The following COL8A1 variants were observed in gnomAD, a reference collection of about 807,000 sequenced individuals.
COL8A1 encodes collagen type VIII alpha 1 chain, also known as collagen alpha-1(VIII) chain.
COL8A1 carries 21 observed loss-of-function variants against 42.7 expected under a neutral mutation model. That is an observed-to-expected ratio of 0.49 (90% CI 0.35 to 0.71). The LOEUF (loss-of-function observed/expected upper bound fraction) is 0.71, where lower values mean the gene tolerates loss of function less well. COL8A1 is among the 30% of genes least tolerant of loss of function. The pLI, the probability that COL8A1 is intolerant of heterozygous loss-of-function variation, is 0.01. For synonymous variants in COL8A1, 367 were observed against 369.1 expected (o/e 0.99, Z 0.06); for missense variants, 788 against 962.4 (o/e 0.82, Z 2.40).
In COL8A1 at chr3:99,794,326, T is replaced by C; in HGVS notation, c.425T>C (p.Ile142Thr). The C allele has an allele frequency of 6.2e-7, 1 of 1,613,604 alleles. No individual in the cohort carries two copies. The highest frequency in any genetic ancestry group is 1.1e-5 in the South Asian group (1 of 91,004). Residue 142 changes from isoleucine to threonine, a missense_variant, in exon 4 of 4, where the codon ATA (isoleucine) becomes ACA (threonine). Coordinates refer to ENST00000652472, the MANE Select transcript of COL8A1 (RefSeq NM_020351.4). The surrounding 1 kb of genome is among the most constrained non-coding windows in gnomAD (Gnocchi z 4.3). ...PGPPGLPGHGIPGIKGKPGPQ... is the reference protein window; with the variant it reads ...PGPPGLPGHGTPGIKGKPGPQ... The stretch of plus-strand genomic sequence containing the variant: ...CCCCCTGGTTTGCCAGGTCATGGGA[T>C]ACCTGGAATTAAAGGAAAACCAGGG...
intron 2 of COL8A1, among the ~76,000 whole-genome samples, chr3:99,788,386 A>C (rs546270350): frequency 6.6e-6 from 1 of 152,318 alleles, no homozygotes; most frequent in Admixed American, 6.5e-5. Flanking sequence ...TCCTGGTTTA[A>C]AGATTATGAA....
At chr3:99,682,282 C>T (rs1056755956) in intron 1 of COL8A1, among the ~76,000 whole-genome samples, 5 of 151,930 alleles carry the variant, frequency 3.3e-5, no homozygotes, top group African/African-American at 4.8e-5. Context: ...CTGGGCCTGG[C>T]GGTGCACGCC....
chr3:99,738,784 T>G (rs916656820), intron 1 of COL8A1, among the ~76,000 whole-genome samples: 50 of 152,334 alleles, frequency 3.3e-4, no homozygotes, highest in African/African-American at 1.1e-3. Flanking sequence ...TTTGTTTACC[T>G]AATCAAGCCT....
At chr3:99,658,707 A>G (rs1055850038) in intron 1 of COL8A1, among the ~76,000 whole-genome samples, 1 of 152,228 alleles carries the variant, frequency 6.6e-6, no homozygotes, top group Non-Finnish European at 1.5e-5. Flanking sequence ...AAGGTCAACC[A>G]AGGGTCTAGG....
At chr3:99,718,040 TG>T (rs1191127160) in intron 1 of COL8A1, among the ~76,000 whole-genome samples, 3 of 152,088 alleles carry the variant, frequency 2.0e-5, no homozygotes, top group African/African-American at 7.2e-5. Context: ...AATCTCCCTC[TG>T]TTTATCCAAT....
chr3:99,743,056 T>C (rs969988733), intron 1 of COL8A1, among the ~76,000 whole-genome samples: 1 of 152,198 alleles, frequency 6.6e-6, no homozygotes, highest in African/African-American at 2.4e-5. Context: ...TGAAGAATGA[T>C]ATAAGAGAGG....
At position 99,640,607 on chromosome 3, in the gene COL8A1, G is replaced by A. The variant is rs17777056; in HGVS notation, c.-129+1943G>A. ...TAATCCACCGGACCAGCTATGGACC[G>A]TTAAACAGTAACTGCCTTCCCTATG... On this transcript the variant is annotated intron_variant, in intron 1 of 3. Transcript: ENST00000652472. Among the ~76,000 whole-genome samples the A allele has an allele frequency of 2.0e-3, 310 of 152,242 alleles. 6 individuals are homozygous for A. The highest frequency in any genetic ancestry group is 0.017 in the East Asian group (88 of 5,182).
intron 1 of COL8A1, among the ~76,000 whole-genome samples, chr3:99,685,965 A>G (rs1939038069): frequency 6.6e-6 from 1 of 152,188 alleles, no homozygotes; most frequent in Admixed American, 6.5e-5. Context: ...TTTGGCTCTA[A>G]TAAATCTTAA....
intron 2 of COL8A1, among the ~76,000 whole-genome samples, chr3:99,758,635 G>A (rs529386890): frequency 6.6e-6 from 1 of 152,104 alleles, no homozygotes; most frequent in Admixed American, 6.6e-5. Context: ...CAGATGTCTG[G>A]TCCACTCCCC....
chr3:99,729,655 A>G (rs187381918), intron 1 of COL8A1, among the ~76,000 whole-genome samples: 67 of 152,120 alleles, frequency 4.4e-4, no homozygotes, highest in Non-Finnish European at 8.1e-4. Context: ...TGGATGTCAT[A>G]ATCCTAGAGT....
At chr3:99,754,368 C>T (rs1479326129) in intron 2 of COL8A1, among the ~76,000 whole-genome samples, 1 of 151,806 alleles carries the variant, frequency 6.6e-6, no homozygotes, top group African/African-American at 2.4e-5. Context: ...AGAGTAGCTG[C>T]TCAAGTTATC....
At chr3:99,783,685 G>A (rs1941838260) in intron 2 of COL8A1, among the ~76,000 whole-genome samples, 1 of 152,224 alleles carries the variant, frequency 6.6e-6, no homozygotes, top group African/African-American at 2.4e-5. Flanking sequence ...GGAAGGAGAA[G>A]GAGAAGCAAG....
At chr3:99,729,158 T>G (rs1285833211) in intron 1 of COL8A1, among the ~76,000 whole-genome samples, 6 of 152,060 alleles carry the variant, frequency 3.9e-5, no homozygotes, top group Non-Finnish European at 8.8e-5. Context: ...CTTATAGGTA[T>G]CTTCTGTCAA....
chr3:99,710,876 T>A (rs928155186), intron 1 of COL8A1, among the ~76,000 whole-genome samples: 1 of 152,174 alleles, frequency 6.6e-6, no homozygotes, highest in African/African-American at 2.4e-5. Flanking sequence ...CTGCTTAAAA[T>A]CATAATATCT....
intron 2 of COL8A1, among the ~76,000 whole-genome samples, chr3:99,789,565 C>T (rs1048413841): frequency 1.1e-4 from 16 of 152,130 alleles, no homozygotes; most frequent in African/African-American, 3.9e-4. Flanking sequence ...CTCTAGTGTG[C>T]ATTTGCCAAC....
chr3:99,665,638 C>T (rs903794672), intron 1 of COL8A1, among the ~76,000 whole-genome samples: 1 of 149,112 alleles, frequency 6.7e-6, no homozygotes, highest in Non-Finnish European at 1.5e-5. Context: ...GTTTTGGAAG[C>T]AGTGGGGAGA....
intron 1 of COL8A1, among the ~76,000 whole-genome samples, chr3:99,638,871 A>G (rs1937447328): frequency 6.6e-6 from 1 of 152,214 alleles, no homozygotes; most frequent in Non-Finnish European, 1.5e-5. Flanking sequence ...ACAGCAGCAT[A>G]AATATTGCGA....
intron 1 of COL8A1, among the ~76,000 whole-genome samples, chr3:99,658,801 A>G (rs1405881745): frequency 6.6e-6 from 1 of 152,220 alleles, no homozygotes; most frequent in East Asian, 1.9e-4. Context: ...GGGAAGAACA[A>G]ATCTAAGACA....
At chr3:99,658,259 C>T (rs1231811858) in intron 1 of COL8A1, among the ~76,000 whole-genome samples, 1 of 152,136 alleles carries the variant, frequency 6.6e-6, no homozygotes, top group Admixed American at 6.5e-5. Flanking sequence ...TCTGCTGTCA[C>T]CAGCCCCACC....
Sources: allele counts gnomAD v4.1 joint callset (sites outside exome capture counted in the v4.1 genomes callset), GRCh38; gene constraint gnomAD v4.1.1; non-coding constraint Gnocchi (gnomAD v3.1); transcripts MANE v1.5; gene names NCBI Gene and HGNC (gene_info 2026-07-23, HGNC 2026-07-21).